ALKBH2: variants seen among roughly 807,000 people sequenced by gnomAD.
The protein encoded by ALKBH2 is DNA oxidative demethylase ALKBH2.
Under a neutral mutation model 19.7 loss-of-function variants are expected in ALKBH2, and 19 were observed. That is an observed-to-expected ratio of 0.97 (90% CI 0.67 to 1.42). The LOEUF (loss-of-function observed/expected upper bound fraction) is 1.42, where lower values mean the gene tolerates loss of function less well. Among genes scored for constraint, ALKBH2 ranks in the 40% most tolerant of loss-of-function variants. The probability of loss-of-function intolerance (pLI) is 0.00; values close to 1 mark genes in which losing one functional copy is unlikely to be tolerated. For missense variants in ALKBH2, 310 were observed against 328.5 expected (o/e 0.94, Z 0.43); for synonymous variants, 135 against 131.2 (o/e 1.03, Z -0.20).
intron 3 of ALKBH2, 171 bp downstream of exon 3, chr12:109,089,838 G>T: frequency 1.5e-6 from 1 of 646,406 alleles, no homozygotes; most frequent in Non-Finnish European, 2.7e-6. Flanking sequence ...CCTACTCCGG[G>T]ATGAGCTCCA....
In ALKBH2 at chr12:109,088,676, C is replaced by A. The variant is rs574496061; in HGVS notation, c.480-164G>T. Reference sequence around the variant, plus strand: ...GGTCCACAGTGGGCTCTAAGATAAGCCAACGCTGAAGAGGTCTGTTGACGT... The same window carrying A: ...GGTCCACAGTGGGCTCTAAGATAAGACAACGCTGAAGAGGTCTGTTGACGT... On this transcript the variant is annotated intron_variant, in intron 3 of 3. Transcript: ENST00000429722. This position sits in a 1 kb window ranked among gnomAD's most constrained non-coding sequence, Gnocchi z 4.2. Among the ~76,000 whole-genome samples, 3 of 152,234 alleles carry A rather than the reference C, an allele frequency of 2.0e-5. No individual in the cohort carries two copies. Among genetic ancestry groups the A allele is most frequent in the African/African-American group, 7.2e-5 (3 of 41,538 alleles).
chr12:109,090,119 T>C lies in ALKBH2; in HGVS notation c.369A>G (p.Thr123=). The change falls in exon 3 of 4, where the codon ACA becomes ACG. Residue 123 remains threonine, a synonymous_variant. Coordinates refer to ENST00000429722, the MANE Select transcript of ALKBH2 (RefSeq NM_001145374.2). ...ATYGDAGLTY[T]FSGLTLSPKP... Reference sequence around the variant, plus strand: ...TTGGAGACAGCGTGAGGCCTGAAAATGTGTAGGTCAGCCCAGCGTCGCCAT... The same window carrying C: ...TTGGAGACAGCGTGAGGCCTGAAAACGTGTAGGTCAGCCCAGCGTCGCCAT... 2 of 1,614,012 alleles carry C rather than the reference T, an allele frequency of 1.2e-6. No individual in the cohort carries two copies. Among genetic ancestry groups the C allele is most frequent in the Non-Finnish European group, 1.7e-6 (2 of 1,180,010 alleles).
chr12:109,088,429 G>A lies in ALKBH2; in HGVS notation c.563C>T (p.Ser188Phe), dbSNP rs768650700. 7 of 1,613,762 alleles carry A rather than the reference G, an allele frequency of 4.3e-6. No individual in the cohort carries two copies. The highest frequency in any genetic ancestry group is 5.1e-6 in the Non-Finnish European group (6 of 1,179,936). ...GACAAAGTCTCTGCAGGCACCGAAG[G>A]AGACAGAGGCAATGGGGCTCCCAGG... ...LAPGSPIASV[S>F]FGACRDFVFR... is the part of the protein sequence containing the mutation. The change falls in exon 4 of 4, where the codon TCC (serine) becomes TTC (phenylalanine). Residue 188 changes from serine (S) to phenylalanine (F), a missense_variant. By Grantham distance (155) the Ser-to-Phe change is radical. Coordinates refer to ENST00000429722, the MANE Select transcript of ALKBH2 (RefSeq NM_001145374.2). The surrounding 1 kb of genome is among the most constrained non-coding windows in gnomAD (Gnocchi z 4.2).
At chr12:109,091,360 T>C (rs113628950) in intron 2 of ALKBH2, among the ~76,000 whole-genome samples, 12,490 of 151,876 alleles carry the variant, frequency 0.082, 829 homozygotes, top group Admixed American at 0.21. Context: ...CCCTCCAGCC[T>C]AGGTGACAGA....
At position 109,088,419 on chromosome 12, in the gene ALKBH2, G is replaced by A. The variant is rs2042002604; in HGVS notation, c.573C>T (p.Ala191=). The A allele has an allele frequency of 6.2e-7, 1 of 1,613,892 alleles. No individual in the cohort carries two copies. The highest frequency in any genetic ancestry group is 1.1e-5 in the South Asian group (1 of 91,056). Residue 191 remains alanine, a synonymous_variant, in exon 4 of 4, where the codon GCC becomes GCT. Coordinates refer to ENST00000429722, the MANE Select transcript of ALKBH2 (RefSeq NM_001145374.2). The surrounding 1 kb of genome is among the most constrained non-coding windows in gnomAD (Gnocchi z 4.2). ...TATGCCGGAAGACAAAGTCTCTGCA[G>A]GCACCGAAGGAGACAGAGGCAATGG... ...GSPIASVSFG[A]CRDFVFRHKD...
rs1433113172 is a variant in ALKBH2, at chr12:109,092,898, C to A, written c.-112G>T. On this transcript the variant is annotated 5_prime_UTR_variant, in exon 2 of 4. Transcript: ENST00000429722. ...GTCCAAGGGGTCTCACAGCAACATT[C>A]CTAGTTTCACATTTTCATTTTAAAG... The A allele has an allele frequency of 6.7e-7, 1 of 1,498,156 alleles. No individual in the cohort carries two copies. Among genetic ancestry groups the A allele is most frequent in the Non-Finnish European group, 8.9e-7 (1 of 1,128,752 alleles). The allele number at this position is 1,498,156 out of a possible 1,614,324, so 92.8% of individuals were successfully genotyped here. A position where few individuals can be genotyped will look rare whatever the true frequency, so the allele number is the denominator to read the frequency against.
In ALKBH2 at chr12:109,088,458, C is replaced by T. The variant is rs1269839255; in HGVS notation, c.534G>A (p.Leu178=). ...IGEHRDDERE[L]APGSPIASVS... ...CAGAGGCAATGGGGCTCCCAGGGGC[C>T]AGTTCTCTTTCATCATCTCGGTGCT... Residue 178 remains leucine, a synonymous_variant, in exon 4 of 4, where the codon CTG becomes CTA. Coordinates refer to ENST00000429722, the MANE Select transcript of ALKBH2 (RefSeq NM_001145374.2). This position sits in a 1 kb window ranked among gnomAD's most constrained non-coding sequence, Gnocchi z 4.2. The T allele has an allele frequency of 6.2e-7, 1 of 1,612,374 alleles. No individual in the cohort carries two copies. The highest frequency in any genetic ancestry group is 1.7e-5 in the Admixed American group (1 of 59,948).
At position 109,092,896 on chromosome 12, in the gene ALKBH2, T is replaced by C. The variant is rs2042086425; in HGVS notation, c.-110A>G. 2 of 1,499,500 alleles carry C rather than the reference T, an allele frequency of 1.3e-6. No individual in the cohort carries two copies. Among genetic ancestry groups the C allele is most frequent in the African/African-American group, 2.8e-5 (2 of 71,122 alleles). The allele number at this position is 1,499,500 out of a possible 1,614,324, so 92.9% of individuals were successfully genotyped here. ...TTGTCCAAGGGGTCTCACAGCAACA[T>C]TCCTAGTTTCACATTTTCATTTTAA... On this transcript the variant is annotated 5_prime_UTR_variant, in exon 2 of 4. The change abolishes an upstream ATG in the 5' untranslated region. Transcript: ENST00000429722.
At position 109,090,045 on chromosome 12, in the gene ALKBH2, A is replaced by AC; in HGVS notation, c.442dup (p.Val148GlyfsTer15). On this transcript the variant is annotated frameshift_variant, in exon 3 of 4. Transcript: ENST00000429722. LOFTEE classifies it high-confidence loss of function. Reference sequence around the variant, plus strand: ...CACAAAGTTGAAGGTCTGTCCAGTCACCCCAGAGACGTGATCCCGGATGCG... The same window carrying AC: ...CACAAAGTTGAAGGTCTGTCCAGTCACCCCCAGAGACGTGATCCCGGATGCG... The AC allele has an allele frequency of 6.2e-7, 1 of 1,614,160 alleles. No individual in the cohort carries two copies.
At chr12:109,089,059 A>G (rs1378299217) in intron 3 of ALKBH2, among the ~76,000 whole-genome samples, 1 of 152,178 alleles carries the variant, frequency 6.6e-6, no homozygotes, top group East Asian at 1.9e-4. Context: ...ATCACGTCTT[A>G]CTGTAGTTCC....
rs1379759535 is a variant in ALKBH2 at position 109,088,366 on chromosome 12, CT to C, written c.625del (p.Arg209GlyfsTer16). Reference protein sequence around the residue: ...HKDSRGKSPSRRVAVVRLPLA... With the variant: ...HKDSRGKSPSXRVAVVRLPLA... ...CGGCAGCCTGACCACCGCCACCCTC[CT>C]GGAGGGGCTTTTCCCACGGGAATCC... On this transcript the variant is annotated frameshift_variant, in exon 4 of 4. Coordinates refer to ENST00000429722, the MANE Select transcript of ALKBH2 (RefSeq NM_001145374.2). LOFTEE classifies it high-confidence loss of function. The surrounding 1 kb of genome is among the most constrained non-coding windows in gnomAD (Gnocchi z 4.2). 6.2e-7 allele frequency: 1 copy of C among 1,614,090 alleles called. No individual in the cohort carries two copies. The highest frequency in any genetic ancestry group is 1.1e-5 in the South Asian group (1 of 91,074).
rs918755857 is a variant in ALKBH2 at position 109,092,521 on chromosome 12, A to G, written c.266T>C (p.Val89Ala). 6.3e-7 allele frequency: 1 copy of G among 1,585,626 alleles called. No homozygotes were observed. Among genetic ancestry groups the G allele is most frequent in the African/African-American group, 1.3e-5 (1 of 74,108 alleles). The change falls in exon 2 of 4, where the codon GTA becomes GCA. Residue 89 changes from valine to alanine, a missense_variant. Physicochemically the swap from Val to Ala is moderately conservative, Grantham distance 64. Coordinates refer to ENST00000429722, the MANE Select transcript of ALKBH2 (RefSeq NM_001145374.2). ...DEIFQELEKE[V>A]EYFTGALARV... Reference sequence around the variant, plus strand: ...CCTCTGCTTACCTGTAAAATATTCTACTTCTTTCTCCAACTCTTGGAAAAT... The same window carrying G: ...CCTCTGCTTACCTGTAAAATATTCTGCTTCTTTCTCCAACTCTTGGAAAAT...
chr12:109,092,850 ATCCCCAGTGC>A lies in ALKBH2; in HGVS notation c.-74_-65del. On this transcript the variant is annotated 5_prime_UTR_variant, in exon 2 of 4. Transcript: ENST00000429722. ...CCAAGACAGAAATTGCTCAAGTTCT[ATCCCCAGTGC>A]AAAAATCTGTTTGTCCAAGGGGTCT... 6.5e-7 allele frequency: 1 copy of A among 1,533,060 alleles called. No individual in the cohort carries two copies. Among genetic ancestry groups the A allele is most frequent in the South Asian group, 1.3e-5 (1 of 76,996 alleles). The allele number at this position is 1,533,060 out of a possible 1,614,324, so 95.0% of individuals were successfully genotyped here. A position where few individuals can be genotyped will look rare whatever the true frequency, so the allele number is the denominator to read the frequency against.
In ALKBH2 at chr12:109,088,658, A is replaced by G; in HGVS notation, c.480-146T>C. 1 of 689,272 alleles carries G rather than the reference A, an allele frequency of 1.5e-6. No individual in the cohort carries two copies. The highest frequency in any genetic ancestry group is 2.4e-6 in the Non-Finnish European group (1 of 420,082). The allele number at this position is 689,272 out of a possible 1,614,324, so 42.7% of individuals were successfully genotyped here. On this transcript the variant is annotated intron_variant, in intron 3 of 3. Coordinates refer to ENST00000429722, the MANE Select transcript of ALKBH2 (RefSeq NM_001145374.2). This position sits in a 1 kb window ranked among gnomAD's most constrained non-coding sequence, Gnocchi z 4.2. ...GTTTCTGCGAGGGCTTGAGGTCCAC[A>G]GTGGGCTCTAAGATAAGCCAACGCT...
At chr12:109,091,817 T>G (rs1362119799) in intron 2 of ALKBH2, among the ~76,000 whole-genome samples, 2 of 152,230 alleles carry the variant, frequency 1.3e-5, no homozygotes, top group African/African-American at 4.8e-5. Context: ...CCCAAAGTGC[T>G]GGGATTACAG....
chr12:109,089,276 C>T (rs1288675354), intron 3 of ALKBH2, among the ~76,000 whole-genome samples: 2 of 152,204 alleles, frequency 1.3e-5, no homozygotes, highest in Non-Finnish European at 2.9e-5. Flanking sequence ...GTGGCTGGCA[C>T]TCTCCATTTA....
rs763892834 is a variant in ALKBH2, at chr12:109,092,833, G to A, written c.-47C>T. 3 of 1,555,716 alleles carry A rather than the reference G, an allele frequency of 1.9e-6. No homozygotes were observed. The highest frequency in any genetic ancestry group is 2.6e-6 in the Non-Finnish European group (3 of 1,154,700). ...GGACGTCAGTGGCGAGGCCAAGACA[G>A]AAATTGCTCAAGTTCTATCCCCAGT... On this transcript the variant is annotated 5_prime_UTR_variant, in exon 2 of 4. Transcript: ENST00000429722.
intron 3 of ALKBH2, 63 bp downstream of exon 3, chr12:109,089,945 TA>T: frequency 6.3e-7 from 1 of 1,585,462 alleles, no homozygotes; most frequent in Non-Finnish European, 8.7e-7. Flanking sequence ...GGTGGAACCC[TA>T]AACACTTCCT....
At position 109,092,605 on chromosome 12, in the gene ALKBH2, C is replaced by T. The variant is rs771353394; in HGVS notation, c.182G>A (p.Arg61Gln). ...HSAGPSWRHI[R>Q]AEGLDCSYTV... ...GTAACTGCAGTCCAGGCCCTCAGCCCGAATGTGCCGCCAGCTAGGGCCTGC... is the reference window on the plus strand; with the variant it reads ...GTAACTGCAGTCCAGGCCCTCAGCCTGAATGTGCCGCCAGCTAGGGCCTGC... Residue 61 changes from arginine (R) to glutamine (Q), a missense_variant, in exon 2 of 4, where the codon CGG becomes CAG. Coordinates refer to ENST00000429722, the MANE Select transcript of ALKBH2 (RefSeq NM_001145374.2). 19 of 1,614,030 alleles carry T rather than the reference C, an allele frequency of 1.2e-5. No homozygotes were observed. The highest frequency in any genetic ancestry group is 6.7e-5 in the Admixed American group (4 of 59,996).
Sources: allele counts gnomAD v4.1 joint callset (sites outside exome capture counted in the v4.1 genomes callset), GRCh38; gene constraint gnomAD v4.1.1; non-coding constraint Gnocchi (gnomAD v3.1); transcripts MANE v1.5; gene names NCBI Gene and HGNC (gene_info 2026-07-23, HGNC 2026-07-21).